Variants in SIPA1L1 observed in about 807,000 individuals in gnomAD.
The protein encoded by SIPA1L1 is signal induced proliferation associated 1 like 1.
Under a neutral mutation model 162.7 loss-of-function variants are expected in SIPA1L1, and 26 were observed. That is an observed-to-expected ratio of 0.16 (90% CI 0.12 to 0.22). The LOEUF (loss-of-function observed/expected upper bound fraction) is 0.22. Among genes scored for constraint, SIPA1L1 ranks in the 10% least tolerant of loss-of-function variants. The pLI, the probability that SIPA1L1 is intolerant of heterozygous loss-of-function variation, is 1.00. For synonymous variants in SIPA1L1, 829 were observed against 837.4 expected (o/e 0.99, Z 0.17); for missense variants, 1,874 against 2,241.0 (o/e 0.84, Z 3.31).
At chr14:71,379,019 C>T (rs1188267130) in intron 2 of SIPA1L1, among the ~76,000 whole-genome samples, 2 of 152,252 alleles carry the variant, frequency 1.3e-5, no homozygotes, top group African/African-American at 2.4e-5. Context: ...TTTTCAGCCT[C>T]ACCCCTTAGT....
intron 13 of SIPA1L1, 82 bp downstream of exon 13, chr14:71,685,713 C>G: frequency 2.0e-6 from 3 of 1,505,898 alleles, no homozygotes. Flanking sequence ...TAGTTTTAGG[C>G]CTTCTCATAT....
At chr14:71,383,691 A>C (rs2040090846) in intron 2 of SIPA1L1, among the ~76,000 whole-genome samples, 1 of 152,090 alleles carries the variant, frequency 6.6e-6, no homozygotes, top group Admixed American at 6.5e-5. Context: ...GGTGGGGGAA[A>C]GACAGAGGAG....
chr14:71,503,103 T>C (rs560034305), intron 2 of SIPA1L1, among the ~76,000 whole-genome samples: 4 of 152,208 alleles, frequency 2.6e-5, no homozygotes, highest in Non-Finnish European at 5.9e-5. Context: ...AATTTTAGCA[T>C]GATGAAGTTT....
chr14:71,535,383 T>C (rs542548562), intron 4 of SIPA1L1, among the ~76,000 whole-genome samples: 3 of 152,252 alleles, frequency 2.0e-5, no homozygotes, highest in Admixed American at 1.3e-4. Flanking sequence ...GTTTTTCTTA[T>C]GCAGGGCATG....
At chr14:71,391,517 G>A (rs778003130) in intron 2 of SIPA1L1, among the ~76,000 whole-genome samples, 1 of 152,200 alleles carries the variant, frequency 6.6e-6, no homozygotes, top group Non-Finnish European at 1.5e-5. Context: ...GGTAAATGCT[G>A]CTTATGAGAA....
At chr14:71,441,606 C>T (rs753712384) in intron 2 of SIPA1L1, among the ~76,000 whole-genome samples, 22 of 152,208 alleles carry the variant, frequency 1.4e-4, no homozygotes, top group Non-Finnish European at 2.6e-4. Context: ...ATTGCCTCTC[C>T]ATGGCAGAGT....
intron 2 of SIPA1L1, chr14:71,330,793 C>G (rs1173650409): frequency 7.0e-6 from 5 of 709,944 alleles, no homozygotes; most frequent in Non-Finnish European, 1.3e-5. Flanking sequence ...CCCTGACGAC[C>G]TCAGGCTTCA....
chr14:71,433,070 G>A (rs1043491488), intron 2 of SIPA1L1, among the ~76,000 whole-genome samples: 13 of 152,142 alleles, frequency 8.5e-5, no homozygotes, highest in African/African-American at 3.1e-4. Flanking sequence ...TCTGTTTATA[G>A]GTGAGAATGG....
intron 2 of SIPA1L1, among the ~76,000 whole-genome samples, chr14:71,465,729 G>C (rs965409975): frequency 1.3e-5 from 2 of 152,096 alleles, no homozygotes; most frequent in East Asian, 1.9e-4. Flanking sequence ...TCTCTAGAGG[G>C]ACAGAACTAA....
At chr14:71,585,784 C>A (rs1289350174) in intron 4 of SIPA1L1, among the ~76,000 whole-genome samples, 2 of 152,112 alleles carry the variant, frequency 1.3e-5, no homozygotes, top group Non-Finnish European at 2.9e-5. Context: ...ATTATTTATG[C>A]TATGTAGAGT....
chr14:71,413,716 G>A (rs2042567940), intron 2 of SIPA1L1, among the ~76,000 whole-genome samples: 1 of 152,098 alleles, frequency 6.6e-6, no homozygotes, highest in African/African-American at 2.4e-5. Context: ...CAGCCTGGGC[G>A]ACAAGAGCAA....
At chr14:71,732,579 G>A (rs551873560) in intron 20 of SIPA1L1, among the ~76,000 whole-genome samples, 1 of 152,300 alleles carries the variant, frequency 6.6e-6, no homozygotes, top group South Asian at 2.1e-4. Context: ...GATCTTAGTT[G>A]TTAATATGTC....
chr14:71,457,367 T>A (rs1054016675), intron 2 of SIPA1L1, among the ~76,000 whole-genome samples: 1 of 151,788 alleles, frequency 6.6e-6, no homozygotes, highest in African/African-American at 2.4e-5. Flanking sequence ...TGGCATGATA[T>A]CGGCTCACTG....
intron 13 of SIPA1L1, among the ~76,000 whole-genome samples, chr14:71,689,846 C>A (rs1348966250): frequency 6.6e-6 from 1 of 152,144 alleles, no homozygotes; most frequent in Non-Finnish European, 1.5e-5. Context: ...GCCTCCCTCC[C>A]TCCTTCCTTA....
intron 8 of SIPA1L1, among the ~76,000 whole-genome samples, chr14:71,656,389 A>G (rs1473717790): frequency 6.6e-6 from 1 of 152,130 alleles, no homozygotes; most frequent in Non-Finnish European, 1.5e-5. Flanking sequence ...AAACACATGT[A>G]TAAGTACACG....
At chr14:71,730,422 T>C (rs1032958001) in intron 20 of SIPA1L1, 121 bp downstream of exon 20, 9 of 1,127,112 alleles carry the variant, frequency 8.0e-6, no homozygotes, top group Non-Finnish European at 1.2e-5. Context: ...TGGTCTCAGC[T>C]CACCCGCCCC....
intron 2 of SIPA1L1, among the ~76,000 whole-genome samples, chr14:71,430,693 AT>A (rs1383022491): frequency 1.3e-5 from 2 of 152,214 alleles, no homozygotes; most frequent in Non-Finnish European, 2.9e-5. Flanking sequence ...CTTAACTAAT[AT>A]CTTTCTCAGT....
intron 4 of SIPA1L1, among the ~76,000 whole-genome samples, chr14:71,581,328 C>T (rs1007946007): frequency 2.0e-5 from 3 of 152,100 alleles, no homozygotes; most frequent in Non-Finnish European, 4.4e-5. Context: ...ACTGTGGCTG[C>T]AGATTTCTTG....
intron 2 of SIPA1L1, among the ~76,000 whole-genome samples, chr14:71,414,335 TGC>T (rs2042609043): frequency 6.6e-6 from 1 of 152,118 alleles, no homozygotes; most frequent in Non-Finnish European, 1.5e-5. Context: ...GCCGAGATTG[TGC>T]CATTGCACTC....
Sources: allele counts gnomAD v4.1 joint callset (sites outside exome capture counted in the v4.1 genomes callset), GRCh38; gene constraint gnomAD v4.1.1; transcripts MANE v1.5; gene names NCBI Gene and HGNC (gene_info 2026-07-23, HGNC 2026-07-21).